Variants in GPC6 observed in about 807,000 individuals in gnomAD.
GPC6 encodes glypican-6.
Under a neutral mutation model 55.2 loss-of-function variants are expected in GPC6, and 14 were observed. That is an observed-to-expected ratio of 0.25 (90% CI 0.17 to 0.40). The LOEUF (loss-of-function observed/expected upper bound fraction) is 0.40. GPC6 is among the 10% of genes least tolerant of loss of function. The pLI, the probability that GPC6 is intolerant of heterozygous loss-of-function variation, is 1.00. For missense variants in GPC6, 641 were observed against 708.5 expected, an observed-to-expected ratio of 0.90 and a Z score of 1.08; for synonymous variants, 278 against 259.6, an observed-to-expected ratio of 1.07 and a Z score of -0.68.
Position 93,276,621 on chromosome 13 carries a change from T to C in GPC6, c.160+49005T>C, listed in dbSNP as rs574713097. Among the ~76,000 whole-genome samples, 3 of 151,980 alleles carry C rather than the reference T, an allele frequency of 2.0e-5. No homozygotes were observed. In the South Asian group the frequency reaches 6.2e-4, roughly 32 times the overall value. On this transcript the variant is annotated intron_variant, in intron 1 of 8. Transcript: ENST00000377047. ...TGTGTGCCTGGGTGTGAAGGCAGCC[T>C]TGAAGAGGAACAAATATAGGGTGGG...
intron 1 of GPC6, among the ~76,000 whole-genome samples, chr13:93,239,098 T>C (rs1384682503): frequency 6.6e-6 from 1 of 152,052 alleles, no homozygotes; most frequent in East Asian, 1.9e-4. Flanking sequence ...TGATACTGGC[T>C]TCATAGGATG....
At chr13:94,100,865 T>G (rs1885831411) in intron 4 of GPC6, among the ~76,000 whole-genome samples, 1 of 152,234 alleles carries the variant, frequency 6.6e-6, no homozygotes, top group Non-Finnish European at 1.5e-5. Flanking sequence ...CTCAGAGTAT[T>G]TCTACAAGAC....
At position 94,405,665 on chromosome 13, in the gene GPC6, A is replaced by G. The variant is rs1051335595; in HGVS notation, c.*2448A>G. ...TATACGCACTAAACACACAGTTAAT[A>G]TATAAACGCCTGCTTCATTTGTTTC... On this transcript the variant is annotated 3_prime_UTR_variant, in exon 9 of 9. Transcript: ENST00000377047. 1 of 152,168 alleles carries G rather than the reference A, an allele frequency of 6.6e-6. No individual in the cohort carries two copies. Among genetic ancestry groups the G allele is most frequent in the Non-Finnish European group, 1.5e-5 (1 of 68,018 alleles). The allele number at this position is 152,168 out of a possible 1,614,324, so 9.4% of individuals were successfully genotyped here.
At chr13:93,529,317 A>T (rs1027730274) in intron 1 of GPC6, among the ~76,000 whole-genome samples, 1 of 152,086 alleles carries the variant, frequency 6.6e-6, no homozygotes, top group Non-Finnish European at 1.5e-5. Context: ...TGGTAATACT[A>T]CTAACACTTG....
intron 4 of GPC6, among the ~76,000 whole-genome samples, chr13:94,061,101 G>A (rs1165398363): frequency 6.6e-6 from 1 of 152,058 alleles, no homozygotes; most frequent in African/African-American, 2.4e-5. Flanking sequence ...GTAAGCAATG[G>A]AGCATATTTA....
chr13:93,849,791 G>A (rs989754132), intron 3 of GPC6, among the ~76,000 whole-genome samples: 1 of 151,996 alleles, frequency 6.6e-6, no homozygotes, highest in Non-Finnish European at 1.5e-5. Context: ...GTCTTCACAC[G>A]TGAACATTGT....
intron 3 of GPC6, among the ~76,000 whole-genome samples, chr13:93,988,620 A>C (rs914198326): frequency 1.3e-5 from 2 of 151,926 alleles, no homozygotes; most frequent in Non-Finnish European, 2.9e-5. Context: ...CATATGGCGG[A>C]AGGGGGAGCA....
intron 4 of GPC6, among the ~76,000 whole-genome samples, chr13:94,185,182 A>G (rs1483012349): frequency 6.7e-6 from 1 of 149,774 alleles, no homozygotes; most frequent in Non-Finnish European, 1.5e-5. Flanking sequence ...AAAACTACCT[A>G]TTGGATACTA....
At chr13:94,034,996 G>T (rs1883285017) in intron 4 of GPC6, among the ~76,000 whole-genome samples, 3 of 151,462 alleles carry the variant, frequency 2.0e-5, no homozygotes. Flanking sequence ...TAATTTCTAT[G>T]AGAAACAACA....
chr13:93,765,936 G>A (rs1036679741), intron 2 of GPC6, among the ~76,000 whole-genome samples: 6 of 152,120 alleles, frequency 3.9e-5, no homozygotes, highest in African/African-American at 1.4e-4. Flanking sequence ...TAGCCCAAAT[G>A]CAACCTTGCC....
intron 3 of GPC6, among the ~76,000 whole-genome samples, chr13:93,958,229 C>T (rs557912033): frequency 6.6e-6 from 1 of 152,156 alleles, no homozygotes; most frequent in Admixed American, 6.5e-5. Context: ...TTAGATCTTA[C>T]TTGTCAATAT....
intron 1 of GPC6, among the ~76,000 whole-genome samples, chr13:93,379,349 G>T (rs66470909): frequency 0.048 from 7,311 of 152,248 alleles, 214 homozygotes; most frequent in Non-Finnish European, 0.057. Context: ...CTTAGTAATT[G>T]CAGTTGATTA....
At chr13:94,252,044 C>T (rs567541138) in intron 4 of GPC6, among the ~76,000 whole-genome samples, 31 of 152,128 alleles carry the variant, frequency 2.0e-4, no homozygotes, top group South Asian at 1.9e-3. Flanking sequence ...CTCCTGGCAC[C>T]GCTAACAACT....
At chr13:93,249,975 T>G (rs1367240222) in intron 1 of GPC6, among the ~76,000 whole-genome samples, 3 of 152,216 alleles carry the variant, frequency 2.0e-5, no homozygotes, top group Non-Finnish European at 2.9e-5. Context: ...CATTTTAGTC[T>G]GATCTAGTTG....
chr13:93,888,724 G>A (rs960743361), intron 3 of GPC6, among the ~76,000 whole-genome samples: 6 of 152,108 alleles, frequency 3.9e-5, no homozygotes, highest in African/African-American at 1.4e-4. Context: ...CCTTGAAGAA[G>A]TGCTTATATT....
intron 4 of GPC6, among the ~76,000 whole-genome samples, chr13:94,261,955 A>G (rs1363301725): frequency 6.6e-6 from 1 of 152,220 alleles, no homozygotes; most frequent in East Asian, 1.9e-4. Context: ...TTGTTTTTAA[A>G]TTGAAGATAT....
At chr13:93,829,231 A>G (rs374014463) in intron 2 of GPC6, among the ~76,000 whole-genome samples, 1 of 152,164 alleles carries the variant, frequency 6.6e-6, no homozygotes, top group East Asian at 1.9e-4. Flanking sequence ...TAAAACTTGA[A>G]CTTGCTCTAC....
chr13:94,147,958 T>G (rs1887618678), intron 4 of GPC6, among the ~76,000 whole-genome samples: 1 of 152,208 alleles, frequency 6.6e-6, no homozygotes, highest in African/African-American at 2.4e-5. Flanking sequence ...TCAAGTACTC[T>G]GTGGCAGGGA....
intron 2 of GPC6, among the ~76,000 whole-genome samples, chr13:93,702,275 A>G (rs1188348872): frequency 6.6e-6 from 1 of 152,036 alleles, no homozygotes; most frequent in African/African-American, 2.4e-5. Context: ...AATAAGCTGT[A>G]ATATTTTGAT....
Sources: gnomAD v4.1 joint callset for allele counts (sites outside exome capture counted in the v4.1 genomes callset) on GRCh38, gnomAD v4.1.1 for gene constraint, MANE v1.5 for transcripts, NCBI Gene and HGNC (gene_info 2026-07-23, HGNC 2026-07-21) for gene names.